The following ZDHHC7 variants were observed in gnomAD, a reference collection of about 807,000 sequenced individuals.
ZDHHC7 encodes the protein zDHHC palmitoyltransferase 7, also known as palmitoyltransferase ZDHHC7.
ZDHHC7 carries 12 observed loss-of-function variants against 34.1 expected under a neutral mutation model. That is an observed-to-expected ratio of 0.35 (90% CI 0.23 to 0.57). The LOEUF is 0.57. ZDHHC7 is among the 20% of genes least tolerant of loss of function. ZDHHC7 has a pLI of 0.84. For missense variants in ZDHHC7, 388 were observed against 402.7 expected, an observed-to-expected ratio of 0.96 and a Z score of 0.31; for synonymous variants, 185 against 155.4, an observed-to-expected ratio of 1.19 and a Z score of -1.42.
chr16:85,005,817 C>A (rs763466121), intron 1 of ZDHHC7, among the ~76,000 whole-genome samples: 2 of 152,142 alleles, frequency 1.3e-5, no homozygotes, highest in Non-Finnish European at 2.9e-5. Flanking sequence ...ATAGAGCTAG[C>A]GTCTTTTTCC....
At chr16:85,021,619 G>T in the ZDHHC7 span, among the ~76,000 whole-genome samples, 2 of 151,950 alleles carry the variant, frequency 1.3e-5, no homozygotes, top group Non-Finnish European at 2.9e-5. Context: ...TCAGAAGACT[G>T]AGGCACGAGA....
chr16:84,984,622 G>A (rs1010546230), intron 3 of ZDHHC7, among the ~76,000 whole-genome samples: 1 of 152,166 alleles, frequency 6.6e-6, no homozygotes, highest in African/African-American at 2.4e-5. Flanking sequence ...CGAAGGGGAA[G>A]CCAAGTACAC....
In ZDHHC7 at chr16:84,975,170, A is replaced by C. The variant is rs1374768616; in HGVS notation, c.*1173T>G. ...ATCACCTGTGCCGTGGGTGGAGAAG[A>C]AAACGTAAAAGCTAACCAAAAACTC... is the stretch of plus-strand genomic sequence containing the variant. On this transcript the variant is annotated 3_prime_UTR_variant, in exon 8 of 8. Transcript: ENST00000313732. 1 of 152,712 alleles carries C rather than the reference A, an allele frequency of 6.5e-6. No homozygotes were observed. The highest frequency in any genetic ancestry group is 1.5e-5 in the Non-Finnish European group (1 of 68,078). The allele number at this position is 152,712 out of a possible 1,614,324, so 9.5% of individuals were successfully genotyped here.
chr16:85,003,935 C>T lies in ZDHHC7; in HGVS notation c.-104+7351G>A, dbSNP rs560353630. Among the ~76,000 whole-genome samples the T allele has an allele frequency of 5.9e-5, 9 of 152,276 alleles. No homozygotes were observed. The South Asian group carries it at 1.5e-3, about 25-fold the overall frequency. ...GATACTTCTCCTCCACCCATGTAAA[C>T]GCCGGGAGCACCCGGGCTTAGTCCT... On this transcript the variant is annotated intron_variant, in intron 1 of 7. Coordinates refer to ENST00000313732, the MANE Select transcript of ZDHHC7 (RefSeq NM_017740.3).
chr16:85,018,659 C>G, the ZDHHC7 span, among the ~76,000 whole-genome samples: 2 of 152,024 alleles, frequency 1.3e-5, no homozygotes, highest in Admixed American at 1.3e-4. Flanking sequence ...GTTGGTCAGG[C>G]TGGTCTCAAA....
intron 2 of ZDHHC7, among the ~76,000 whole-genome samples, chr16:84,992,408 G>A (rs1329309949): frequency 6.6e-6 from 1 of 152,074 alleles, no homozygotes; most frequent in Non-Finnish European, 1.5e-5. Flanking sequence ...GGGGGGTGGA[G>A]GTTGCAGTGA....
chr16:84,976,643 T>G, intron 7 of ZDHHC7, 124 bp from the exon 8 acceptor site: 1 of 1,317,748 alleles, frequency 7.6e-7, no homozygotes, highest in Non-Finnish European at 1.0e-6. Context: ...GAGTGAACTC[T>G]CCTTCCCAGC....
At chr16:84,982,113 C>T (rs1171297224) in intron 3 of ZDHHC7, 119 bp from the exon 4 acceptor site, 67 of 1,363,488 alleles carry the variant, frequency 4.9e-5, no homozygotes, top group Non-Finnish European at 6.3e-5. Flanking sequence ...GGGTGGATCA[C>T]GGGGTCAGGA....
At chr16:85,020,738 A>C in the ZDHHC7 span, among the ~76,000 whole-genome samples, 1 of 152,164 alleles carries the variant, frequency 6.6e-6, no homozygotes, top group African/African-American at 2.4e-5. Context: ...CCCTAGCAAC[A>C]GGTGAAGGAC....
chr16:85,027,192 C>G, the ZDHHC7 span, among the ~76,000 whole-genome samples: 2 of 152,202 alleles, frequency 1.3e-5, no homozygotes, highest in Non-Finnish European at 2.9e-5. Context: ...CCTCTGATTG[C>G]TCTTCCATAC....
In ZDHHC7 at chr16:84,981,858, C is replaced by T. The variant is rs776688669; in HGVS notation, c.440+12G>A. On this transcript the variant is annotated intron_variant, in intron 4 of 7. Transcript: ENST00000313732. ...GCGGATGCGCTCGGGTTTAATACAG[C>T]AGCGCACGTACCTGCAGTGGTGGGC... 138 of 1,613,498 alleles carry T rather than the reference C, an allele frequency of 8.6e-5. No homozygotes were observed. The highest frequency in any genetic ancestry group is 1.1e-4 in the Non-Finnish European group (131 of 1,179,912).
intron 3 of ZDHHC7, among the ~76,000 whole-genome samples, chr16:84,987,445 T>C (rs1597541498): frequency 1.4e-5 from 2 of 146,776 alleles, no homozygotes; most frequent in Middle Eastern, 3.5e-3. Context: ...TGTTTTGGGG[T>C]TTGTTTTTTT....
intron 1 of ZDHHC7, among the ~76,000 whole-genome samples, chr16:85,006,273 T>C (rs2072715951): frequency 6.7e-6 from 1 of 148,974 alleles, no homozygotes; most frequent in South Asian, 2.1e-4. Context: ...GCAGGAGGAT[T>C]ACTTGAGCCC....
At chr16:85,018,039 G>A in the ZDHHC7 span, among the ~76,000 whole-genome samples, 1 of 152,092 alleles carries the variant, frequency 6.6e-6, no homozygotes, top group African/African-American at 2.4e-5. Context: ...GGATATTAAT[G>A]AGTGTATATT....
the ZDHHC7 span, among the ~76,000 whole-genome samples, chr16:85,021,349 T>C: frequency 2.0e-5 from 3 of 147,382 alleles, no homozygotes; most frequent in South Asian, 4.3e-4. Flanking sequence ...GAGGCGGAGA[T>C]TGCAGTGAGC....
intron 1 of ZDHHC7, among the ~76,000 whole-genome samples, chr16:84,996,330 C>T (rs572082601): frequency 6.6e-6 from 1 of 152,300 alleles, no homozygotes; most frequent in African/African-American, 2.4e-5. Context: ...GTAGCCTGCA[C>T]TTCTACCGTC....
intron 1 of ZDHHC7, among the ~76,000 whole-genome samples, chr16:85,006,254 G>C (rs2072715595): frequency 6.6e-6 from 1 of 152,042 alleles, no homozygotes; most frequent in South Asian, 2.1e-4. Flanking sequence ...AGCTACTCGA[G>C]AGGCTGAGGC....
intron 1 of ZDHHC7, chr16:85,005,022 A>G (rs543120176): frequency 6.6e-6 from 1 of 152,350 alleles, no homozygotes; most frequent in African/African-American, 2.4e-5. Flanking sequence ...CTCGTACCCC[A>G]AAGGTTCCCC....
At chr16:85,020,698 G>A in the ZDHHC7 span, among the ~76,000 whole-genome samples, 2 of 152,158 alleles carry the variant, frequency 1.3e-5, no homozygotes, top group South Asian at 4.1e-4. Context: ...AGACCACACA[G>A]AAAGCTTGGA....
Sources: gnomAD v4.1 joint callset for allele counts (sites outside exome capture counted in the v4.1 genomes callset) on GRCh38, gnomAD v4.1.1 for gene constraint, MANE v1.5 for transcripts, NCBI Gene and HGNC (gene_info 2026-07-23, HGNC 2026-07-21) for gene names.